Variants in SGCZ observed in about 807,000 individuals in gnomAD.
The protein encoded by SGCZ is zeta-sarcoglycan.
A neutral mutation model predicts 41.3 loss-of-function variants in SGCZ; 40 were observed. That is an observed-to-expected ratio of 0.97 (90% CI 0.75 to 1.26). The LOEUF (loss-of-function observed/expected upper bound fraction) is 1.26. SGCZ is among the 50% of genes most tolerant of loss of function. The pLI, the probability that SGCZ is intolerant of heterozygous loss-of-function variation, is 0.00. For missense variants in SGCZ, 552 were observed against 369.8 expected (o/e 1.49, Z -4.04); for synonymous variants, 206 against 137.5 (o/e 1.50, Z -3.49).
chr8:14,976,489 A>C (rs1192381203), intron 1 of SGCZ, among the ~76,000 whole-genome samples: 1 of 152,098 alleles, frequency 6.6e-6, no homozygotes, highest in African/African-American at 2.4e-5. Flanking sequence ...AACTTGTTAG[A>C]TGTATTTTAC....
intron 2 of SGCZ, among the ~76,000 whole-genome samples, chr8:14,545,105 C>A (rs1006877047): frequency 6.6e-5 from 10 of 152,064 alleles, no homozygotes; most frequent in African/African-American, 2.4e-4. Flanking sequence ...CTCTTTATTT[C>A]TCAGCCGGCT....
At chr8:14,508,491 C>G (rs1227745870) in intron 2 of SGCZ, among the ~76,000 whole-genome samples, 2 of 152,098 alleles carry the variant, frequency 1.3e-5, no homozygotes, top group African/African-American at 2.4e-5. Context: ...GGAGGCTTTG[C>G]ATGTTAATCT....
At chr8:14,264,261 G>A (rs376145743) in intron 3 of SGCZ, among the ~76,000 whole-genome samples, 3 of 152,200 alleles carry the variant, frequency 2.0e-5, no homozygotes, top group African/African-American at 7.2e-5. Context: ...CATGCACAGG[G>A]ATGCTGTGTG....
At chr8:15,144,625 C>A (rs1050956876) in intron 1 of SGCZ, among the ~76,000 whole-genome samples, 1 of 152,030 alleles carries the variant, frequency 6.6e-6, no homozygotes, top group African/African-American at 2.4e-5. Flanking sequence ...CCACACCCAG[C>A]CAGTATTTTT....
chr8:14,473,422 AT>A (rs1320767423), intron 2 of SGCZ, among the ~76,000 whole-genome samples: 1 of 152,154 alleles, frequency 6.6e-6, no homozygotes. Context: ...AATATCATGA[AT>A]TTTTCACCAT....
chr8:14,579,364 G>A (rs1804812505), intron 1 of SGCZ, among the ~76,000 whole-genome samples: 1 of 152,168 alleles, frequency 6.6e-6, no homozygotes, highest in Non-Finnish European at 1.5e-5. Context: ...AGAAATGCAT[G>A]TTCTCATTCT....
At chr8:15,226,417 C>T (rs1801774617) in intron 1 of SGCZ, among the ~76,000 whole-genome samples, 1 of 152,138 alleles carries the variant, frequency 6.6e-6, no homozygotes, top group African/African-American at 2.4e-5. Context: ...CAAAATTGAT[C>T]ATTATTATCT....
chr8:15,172,153 TG>T (rs1161980681), intron 1 of SGCZ, among the ~76,000 whole-genome samples: 10 of 109,944 alleles, frequency 9.1e-5, no homozygotes, highest in Non-Finnish European at 1.4e-4. Flanking sequence ...TTTTATACTC[TG>T]TTTTTTTTTT....
chr8:14,784,060 T>G (rs1055293645), intron 1 of SGCZ, among the ~76,000 whole-genome samples: 6 of 151,746 alleles, frequency 4.0e-5, no homozygotes, highest in Non-Finnish European at 7.4e-5. Flanking sequence ...AATGTTTTTT[T>G]TTTTTTTTGA....
At position 14,705,267 on chromosome 8, in the gene SGCZ, G is replaced by C. The variant is rs534090893; in HGVS notation, c.40-150341C>G. On this transcript the variant is annotated intron_variant, in intron 1 of 7. Transcript: ENST00000382080. ...ACTACATGGTGTTTAAGAACAATCA[G>C]TATAGGCATAAAGGGTTTTTGTCTA... Among the ~76,000 whole-genome samples the C allele has an allele frequency of 1.2e-4, 18 of 152,066 alleles. No individual in the cohort carries two copies. The South Asian group carries it at 2.7e-3, about 23-fold the overall frequency.
chr8:14,135,766 C>A (rs375118798), intron 5 of SGCZ, among the ~76,000 whole-genome samples: 1 of 151,878 alleles, frequency 6.6e-6, no homozygotes, highest in Non-Finnish European at 1.5e-5. Context: ...TTCCAAAAAA[C>A]AGAAGAGGAT....
chr8:14,483,721 G>T (rs1801596918), intron 2 of SGCZ, among the ~76,000 whole-genome samples: 1 of 151,968 alleles, frequency 6.6e-6, no homozygotes, highest in Admixed American at 6.6e-5. Context: ...GGTACGTCTT[G>T]GTTACTTGTA....
At chr8:14,408,948 A>AGTGTGTGT (rs775874986) in intron 2 of SGCZ, among the ~76,000 whole-genome samples, 9,417 of 112,048 alleles carry the variant, frequency 0.084, 504 homozygotes, top group African/African-American at 0.18. Flanking sequence ...TTTTAAATTA[A>AGTGTGTGT]GAGAGTGTGT....
chr8:14,242,240 T>C (rs1383329657), intron 3 of SGCZ, among the ~76,000 whole-genome samples: 1 of 152,200 alleles, frequency 6.6e-6, no homozygotes, highest in Non-Finnish European at 1.5e-5. Context: ...AGTTTAACTA[T>C]TACATTAAGT....
intron 3 of SGCZ, among the ~76,000 whole-genome samples, chr8:14,314,030 A>G (rs1298760688): frequency 1.3e-5 from 2 of 151,946 alleles, no homozygotes; most frequent in African/African-American, 4.8e-5. Context: ...ATTTGAGGTG[A>G]TGAAGGGATC....
chr8:14,882,683 ATTACGACAGCTCT>A (rs1327393687), intron 1 of SGCZ, among the ~76,000 whole-genome samples: 3 of 151,944 alleles, frequency 2.0e-5, no homozygotes, highest in Non-Finnish European at 4.4e-5. Flanking sequence ...CCATTGTTTG[ATTACGACAGCTCT>A]GCTGCTAATA....
chr8:14,684,080 T>G (rs545098588), intron 1 of SGCZ, among the ~76,000 whole-genome samples: 2 of 152,328 alleles, frequency 1.3e-5, no homozygotes, highest in South Asian at 4.1e-4. Context: ...AACATGCCAT[T>G]TTTAAATATA....
chr8:14,830,159 G>A (rs567283720), intron 1 of SGCZ, among the ~76,000 whole-genome samples: 15 of 152,162 alleles, frequency 9.9e-5, no homozygotes, highest in African/African-American at 3.1e-4. Context: ...TGTAAAAATT[G>A]AATTAAAAAT....
At chr8:14,682,712 G>A (rs1808489439) in intron 1 of SGCZ, among the ~76,000 whole-genome samples, 1 of 152,164 alleles carries the variant, frequency 6.6e-6, no homozygotes, top group African/African-American at 2.4e-5. Flanking sequence ...GGGATTACAG[G>A]CGTGAGCCAC....
Sources: gnomAD v4.1 joint callset for allele counts (sites outside exome capture counted in the v4.1 genomes callset) on GRCh38, gnomAD v4.1.1 for gene constraint, MANE v1.5 for transcripts, NCBI Gene and HGNC (gene_info 2026-07-23, HGNC 2026-07-21) for gene names.